Variants in MNAT1 observed in about 807,000 individuals in gnomAD.
MNAT1 encodes the protein CDK-activating kinase assembly factor MAT1.
In MNAT1, 43 loss-of-function variants were observed where a neutral mutation model predicts 42.0. The ratio of observed to expected loss-of-function variants is 1.02; its 90% CI spans 0.80 to 1.32. The LOEUF is 1.32. Ranked by LOEUF, MNAT1 falls within the 40% of genes most tolerant of loss-of-function variation. The pLI is 0.00. For synonymous variants in MNAT1, 118 were observed against 120.0 expected, an observed-to-expected ratio of 0.98 and a Z score of 0.11; for missense variants, 306 against 350.4, an observed-to-expected ratio of 0.87 and a Z score of 1.01.
chr14:60,850,475 A>G (rs750984634), intron 6 of MNAT1, among the ~76,000 whole-genome samples: 1 of 152,230 alleles, frequency 6.6e-6, no homozygotes, highest in Non-Finnish European at 1.5e-5. Flanking sequence ...TGGCACAACC[A>G]AGAGACTTTT....
chr14:60,912,217 G>A (rs374426337), intron 7 of MNAT1, among the ~76,000 whole-genome samples: 1 of 151,966 alleles, frequency 6.6e-6, no homozygotes, highest in Non-Finnish European at 1.5e-5. Flanking sequence ...ATGTGTGTCT[G>A]TGCACATGAG....
chr14:60,886,977 TATA>T lies in MNAT1; in HGVS notation c.809+7145_809+7147del, dbSNP rs1184612489. ...AACTGAAAACTTTTCCTCTGTTGATTATAATGTTAGGCATAGGCCTTTCATAAA... is the reference window on the plus strand; with the variant it reads ...AACTGAAAACTTTTCCTCTGTTGATTATGTTAGGCATAGGCCTTTCATAAA... On this transcript the variant is annotated intron_variant, in intron 7 of 7. Coordinates refer to ENST00000261245, the MANE Select transcript of MNAT1 (RefSeq NM_002431.4). Among the ~76,000 whole-genome samples, 4 of 152,202 alleles carry T rather than the reference TATA, an allele frequency of 2.6e-5. No individual in the cohort carries two copies. The East Asian group carries it at 7.7e-4, about 29-fold the overall frequency.
intron 1 of MNAT1, among the ~76,000 whole-genome samples, chr14:60,791,734 C>T (rs1220749096): frequency 6.6e-6 from 1 of 151,910 alleles, no homozygotes; most frequent in African/African-American, 2.4e-5. Context: ...ATTGTATACC[C>T]CTTCTATCAA....
At chr14:60,893,279 T>A (rs1348402003) in intron 7 of MNAT1, among the ~76,000 whole-genome samples, 2 of 152,070 alleles carry the variant, frequency 1.3e-5, no homozygotes, top group East Asian at 3.9e-4. Context: ...ATCTAGTATT[T>A]TCATTCACTT....
At position 60,813,482 on chromosome 14, in the gene MNAT1, T is replaced by C. The variant is rs182588232; in HGVS notation, c.561+1355T>C. Reference sequence around the variant, plus strand: ...GTTGGCTCAGGGTTACAAGAGAGAATATCCCAAGAATAAGGAGGTAGAAGA... The same window carrying C: ...GTTGGCTCAGGGTTACAAGAGAGAACATCCCAAGAATAAGGAGGTAGAAGA... On this transcript the variant is annotated intron_variant, in intron 5 of 7. Coordinates refer to ENST00000261245, the MANE Select transcript of MNAT1 (RefSeq NM_002431.4). Among the ~76,000 whole-genome samples, 20 of 152,256 alleles carry C rather than the reference T, an allele frequency of 1.3e-4. No homozygotes were observed. In the East Asian group the frequency reaches 3.5e-3, roughly 26 times the overall value.
intron 1 of MNAT1, among the ~76,000 whole-genome samples, chr14:60,757,396 T>TCC (rs1454260342): frequency 2.0e-5 from 3 of 151,760 alleles, no homozygotes; most frequent in African/African-American, 4.9e-5. Context: ...TTTTTTATTG[T>TCC]CCACACACAC....
intron 7 of MNAT1, among the ~76,000 whole-genome samples, chr14:60,959,332 A>G (rs2036546602): frequency 6.6e-6 from 1 of 152,232 alleles, no homozygotes; most frequent in African/African-American, 2.4e-5. Flanking sequence ...TGTGCAGAGC[A>G]GGCCACTAAG....
chr14:60,859,385 A>G (rs771189933), intron 6 of MNAT1, among the ~76,000 whole-genome samples: 66 of 152,218 alleles, frequency 4.3e-4, no homozygotes, highest in Non-Finnish European at 7.6e-4. Context: ...ATAGACATTC[A>G]CATTACCCAG....
intron 1 of MNAT1, among the ~76,000 whole-genome samples, chr14:60,772,203 A>C (rs944138416): frequency 6.6e-6 from 1 of 152,192 alleles, no homozygotes; most frequent in Non-Finnish European, 1.5e-5. Context: ...TCAAGGCTGC[A>C]TTGTGCTCTG....
chr14:60,789,445 C>T (rs75917195), intron 1 of MNAT1, among the ~76,000 whole-genome samples: 8 of 152,146 alleles, frequency 5.3e-5, no homozygotes, highest in East Asian at 3.9e-4. Context: ...AAAATGGTGC[C>T]GATAGACTCA....
At chr14:60,932,478 G>A (rs1180335222) in intron 7 of MNAT1, among the ~76,000 whole-genome samples, 1 of 151,736 alleles carries the variant, frequency 6.6e-6, no homozygotes, top group African/African-American at 2.4e-5. Context: ...TTAAAGACAT[G>A]GTTAAATAAT....
chr14:60,748,407 T>G (rs1278314903), intron 1 of MNAT1, among the ~76,000 whole-genome samples: 1 of 152,068 alleles, frequency 6.6e-6, no homozygotes, highest in Non-Finnish European at 1.5e-5. Context: ...GTTTTTTGAT[T>G]TTTAGTAGGG....
chr14:60,739,067 GT>G (rs1032455783), intron 1 of MNAT1, among the ~76,000 whole-genome samples: 8 of 152,232 alleles, frequency 5.3e-5, no homozygotes, highest in African/African-American at 1.7e-4. Context: ...GGTCACTCAT[GT>G]GGCTCTTGTC....
chr14:60,740,587 T>C lies in MNAT1; in HGVS notation c.89+5636T>C, dbSNP rs1896434945. On this transcript the variant is annotated intron_variant, in intron 1 of 7. Coordinates refer to ENST00000261245, the MANE Select transcript of MNAT1 (RefSeq NM_002431.4). The surrounding 1 kb of genome is among the most constrained non-coding windows in gnomAD (Gnocchi z 4.1). ...CATTTAATATACTGATCTTATTCAG[T>C]ACCTTTGTGCAAATTGGGAAACAGA... is the stretch of plus-strand genomic sequence containing the variant. Among the ~76,000 whole-genome samples the C allele has an allele frequency of 1.3e-5, 2 of 152,214 alleles. No homozygotes were observed. Among genetic ancestry groups the C allele is most frequent in the Non-Finnish European group, 1.5e-5 (1 of 68,036 alleles).
At chr14:60,960,034 C>T (rs1377094701) in intron 7 of MNAT1, among the ~76,000 whole-genome samples, 2 of 146,446 alleles carry the variant, frequency 1.4e-5, no homozygotes, top group African/African-American at 2.5e-5. Flanking sequence ...GTATCAATAA[C>T]AAGTTTATCC....
chr14:60,848,558 G>T (rs1024436639), intron 6 of MNAT1, among the ~76,000 whole-genome samples: 1 of 152,082 alleles, frequency 6.6e-6, no homozygotes, highest in Non-Finnish European at 1.5e-5. Context: ...TCTGAGGAAT[G>T]ACTACTTAAG....
At chr14:60,873,680 A>G (rs1204272773) in intron 6 of MNAT1, among the ~76,000 whole-genome samples, 1 of 141,074 alleles carries the variant, frequency 7.1e-6, no homozygotes, top group African/African-American at 2.7e-5. Context: ...TATGTTGCCC[A>G]GGCTGGTCTC....
intron 7 of MNAT1, among the ~76,000 whole-genome samples, chr14:60,916,948 G>C (rs2035531046): frequency 6.6e-6 from 1 of 152,004 alleles, no homozygotes; most frequent in African/African-American, 2.4e-5. Flanking sequence ...GCAAGACTCT[G>C]TCTCCAAAAA....
chr14:60,872,749 A>G (rs1350952742), intron 6 of MNAT1, among the ~76,000 whole-genome samples: 1 of 151,814 alleles, frequency 6.6e-6, no homozygotes, highest in African/African-American at 2.4e-5. Context: ...AAAATAGCAA[A>G]GTTGGAAAAT....
Sources: allele counts gnomAD v4.1 joint callset (sites outside exome capture counted in the v4.1 genomes callset), GRCh38; gene constraint gnomAD v4.1.1; non-coding constraint Gnocchi (gnomAD v3.1); transcripts MANE v1.5; gene names NCBI Gene and HGNC (gene_info 2026-07-23, HGNC 2026-07-21).